Variants in ARHGAP23 observed in about 807,000 individuals in gnomAD.
ARHGAP23 encodes rho GTPase-activating protein 23.
In ARHGAP23, 34 loss-of-function variants were observed where a neutral mutation model predicts 136.3. The observed-to-expected ratio is 0.25, with a 90% confidence interval of 0.19 to 0.33. The LOEUF is 0.33. ARHGAP23 is among the 10% of genes least tolerant of loss of function. The pLI is 1.00. For missense variants in ARHGAP23, 1,808 were observed against 2,139.0 expected (o/e 0.85, Z 3.05); for synonymous variants, 832 against 920.5 (o/e 0.90, Z 1.74).
chr17:38,435,246 C>T (rs943428194), intron 1 of ARHGAP23, among the ~76,000 whole-genome samples: 1 of 152,038 alleles, frequency 6.6e-6, no homozygotes, highest in African/African-American at 2.4e-5. Flanking sequence ...GTCTCAGCTA[C>T]TCGGGAGGCT....
At chr17:38,490,067 C>G (rs2040239552) in intron 17 of ARHGAP23, 35 bp from the exon 18 acceptor site, 1 of 1,547,496 alleles carries the variant, frequency 6.5e-7, no homozygotes, top group African/African-American at 1.4e-5. Context: ...AAGGCGCTGC[C>G]CCCACCTCTC....
At chr17:38,432,733 G>A (rs2038712140) in intron 1 of ARHGAP23, among the ~76,000 whole-genome samples, 1 of 151,988 alleles carries the variant, frequency 6.6e-6, no homozygotes, top group South Asian at 2.1e-4. Flanking sequence ...GGTGGTGGAA[G>A]TGGGAAAATC....
rs1231558734 is a variant in ARHGAP23 at position 38,466,935 on chromosome 17, G to A, written c.1252G>A (p.Gly418Ser). ...LQGLDDLGYI[G>S]YRSYSPSFQR... ...GGGCCTGGATGACCTCGGGTACATCGGCTACCGGAGCTACAGCCCATCATT... is the reference window on the plus strand; with the variant it reads ...GGGCCTGGATGACCTCGGGTACATCAGCTACCGGAGCTACAGCCCATCATT... Residue 418 changes from glycine (G) to serine (S), a missense_variant, in exon 7 of 24, where the codon GGC becomes AGC. Coordinates refer to ENST00000622683, the MANE Select transcript of ARHGAP23 (RefSeq NM_001199417.2). 8.4e-6 allele frequency: 13 copies of A among 1,550,344 alleles called. No homozygotes were observed. The highest frequency in any genetic ancestry group is 7.3e-5 in the East Asian group (3 of 40,918).
chr17:38,510,356 C>G lies in ARHGAP23; in HGVS notation c.3860C>G (p.Thr1287Arg), dbSNP rs1326036755. Residue 1287 changes from threonine (T) to arginine (R), a missense_variant, in exon 24 of 24, where the codon ACG (threonine) becomes AGG (arginine). By Grantham distance (71) the Thr-to-Arg change is moderately conservative (BLOSUM62 -1). Coordinates refer to ENST00000622683, the MANE Select transcript of ARHGAP23 (RefSeq NM_001199417.2). This position sits in a 1 kb window ranked among gnomAD's most constrained non-coding sequence, Gnocchi z 4.6. Reference protein sequence around the residue: ...DERSELSHVETDTEGAAGAGP... With the variant: ...DERSELSHVERDTEGAAGAGP... ...CGTAGCGAGCTGAGCCACGTGGAGACGGACACTGAGGGCGCGGCGGGCGCG... is the reference window on the plus strand; with the variant it reads ...CGTAGCGAGCTGAGCCACGTGGAGAGGGACACTGAGGGCGCGGCGGGCGCG... 2 of 1,249,636 alleles carry G rather than the reference C, an allele frequency of 1.6e-6. No homozygotes were observed. Among genetic ancestry groups the G allele is most frequent in the East Asian group, 6.3e-5 (2 of 31,644 alleles). 77.4% of individuals were successfully genotyped at this position (1,249,636 alleles called of 1,614,324 possible). A position where few individuals can be genotyped will look rare whatever the true frequency, so the allele number is the denominator to read the frequency against.
chr17:38,420,115 G>A (rs1391288036), intron 1 of ARHGAP23, among the ~76,000 whole-genome samples: 2 of 152,184 alleles, frequency 1.3e-5, no homozygotes, highest in Non-Finnish European at 2.9e-5. Context: ...CTCAGTGGGC[G>A]GGGATGAAGA....
intron 20 of ARHGAP23, among the ~76,000 whole-genome samples, chr17:38,492,222 C>A (rs1380089796): frequency 4.2e-4 from 64 of 152,194 alleles, no homozygotes; most frequent in Admixed American, 4.1e-3. Flanking sequence ...GAGAGCCCAA[C>A]CCTAAGGCAG....
intron 1 of ARHGAP23, among the ~76,000 whole-genome samples, chr17:38,437,622 A>ACC (rs5820258): frequency 1.8e-4 from 26 of 147,600 alleles, no homozygotes; most frequent in African/African-American, 6.5e-4. Flanking sequence ...ACCCACCCCT[A>ACC]CCCCCCCCAA....
intron 18 of ARHGAP23, 124 bp downstream of exon 18, chr17:38,490,299 C>T (rs997323755): frequency 1.7e-6 from 2 of 1,159,600 alleles, no homozygotes; most frequent in Admixed American, 4.0e-5. Flanking sequence ...CCGCTCCACT[C>T]AGGGCCTCAG....
intron 12 of ARHGAP23, among the ~76,000 whole-genome samples, chr17:38,478,380 G>GGGT (rs1337793395): frequency 6.6e-6 from 1 of 152,088 alleles, no homozygotes; most frequent in East Asian, 1.9e-4. Context: ...AGGTGGGCAG[G>GGGT]GGTGGAGCCA....
intron 20 of ARHGAP23, among the ~76,000 whole-genome samples, chr17:38,493,382 A>G (rs867285232): frequency 1.3e-5 from 2 of 151,748 alleles, no homozygotes; most frequent in Non-Finnish European, 2.9e-5. Context: ...TGTAGAGATG[A>G]GGTCTTACTA....
At chr17:38,493,591 G>A (rs981360326) in intron 20 of ARHGAP23, among the ~76,000 whole-genome samples, 1 of 152,146 alleles carries the variant, frequency 6.6e-6, no homozygotes, top group Non-Finnish European at 1.5e-5. Flanking sequence ...ACCAGCCCTG[G>A]ATGATTGTCG....
chr17:38,508,424 C>T (rs1213859779), intron 23 of ARHGAP23, among the ~76,000 whole-genome samples: 1 of 152,074 alleles, frequency 6.6e-6, no homozygotes, highest in Non-Finnish European at 1.5e-5. Flanking sequence ...CAGAGCAGGG[C>T]AGTAGGCTGG....
chr17:38,510,455 G>T lies in ARHGAP23; in HGVS notation c.3959G>T (p.Arg1320Leu). The change falls in exon 24 of 24, where the codon CGC becomes CTC. Residue 1320 changes from arginine to leucine, a missense_variant. By Grantham distance (102) the Arg-to-Leu change is moderately radical. Transcript: ENST00000622683. This position sits in a 1 kb window ranked among gnomAD's most constrained non-coding sequence, Gnocchi z 4.6. ...CTCATGCCCTGCGACACTCTGGCGC[G>T]CCGCCGCCTGGCCCGGGGCCGCCCA... ...HHLMPCDTLA[R>L]RRLARGRPDG... 3 of 1,209,876 alleles carry T rather than the reference G, an allele frequency of 2.5e-6. No homozygotes were observed. Among genetic ancestry groups the T allele is most frequent in the Non-Finnish European group, 3.1e-6 (3 of 974,496 alleles). The allele number at this position is 1,209,876 out of a possible 1,614,324, so 74.9% of individuals were successfully genotyped here. A position where few individuals can be genotyped will look rare whatever the true frequency, so the allele number is the denominator to read the frequency against.
At chr17:38,457,873 A>G (rs945739529) in intron 1 of ARHGAP23, 2 of 594,414 alleles carry the variant, frequency 3.4e-6, no homozygotes, top group Non-Finnish European at 5.9e-6. Context: ...CAAAGACATT[A>G]TGAGGGGACT....
At chr17:38,507,276 A>AAATAATAAAATAATAAT (rs1555599767) in intron 23 of ARHGAP23, among the ~76,000 whole-genome samples, 19 of 136,668 alleles carry the variant, frequency 1.4e-4, no homozygotes, top group Non-Finnish European at 1.9e-4. Context: ...CTCCGTCTCA[A>AAATAATAAAATAATAAT]AATAATAATA....
At chr17:38,438,898 C>T (rs1285709928) in intron 1 of ARHGAP23, among the ~76,000 whole-genome samples, 5 of 152,238 alleles carry the variant, frequency 3.3e-5, no homozygotes, top group Non-Finnish European at 5.9e-5. Context: ...GCAGGAGAAT[C>T]GCTTGAACCT....
In ARHGAP23 at chr17:38,466,425, A is replaced by G. The variant is rs758701627; in HGVS notation, c.742A>G (p.Ser248Gly). ...AHLDNSSLGM[S>G]QPRPSPGAFP... ...CCTGGACAACTCTTCCTTGGGGATG[A>G]GCCAGCCCCGCCCCAGCCCTGGTGC... The change falls in exon 7 of 24, where the codon AGC becomes GGC. Residue 248 changes from serine (S) to glycine (G), a missense_variant. By Grantham distance (56) the Ser-to-Gly change is moderately conservative. Around this residue, in one of 7 missense-constraint regions of ARHGAP23, gnomAD observed 859 missense variants for 936.4 expected, o/e 0.92. Coordinates refer to ENST00000622683, the MANE Select transcript of ARHGAP23 (RefSeq NM_001199417.2). 10 of 1,527,988 alleles carry G rather than the reference A, an allele frequency of 6.5e-6. No individual in the cohort carries two copies. The South Asian group carries it at 1.2e-4, about 18-fold the overall frequency. The allele number at this position is 1,527,988 out of a possible 1,614,324, so 94.7% of individuals were successfully genotyped here.
intron 1 of ARHGAP23, among the ~76,000 whole-genome samples, chr17:38,441,776 T>C (rs1401809471): frequency 6.6e-6 from 1 of 152,064 alleles, no homozygotes; most frequent in Non-Finnish European, 1.5e-5. Context: ...AGGCACTGTA[T>C]TATAGTCCAG....
chr17:38,500,130 T>C (rs1210248259), intron 22 of ARHGAP23, among the ~76,000 whole-genome samples: 2 of 152,112 alleles, frequency 1.3e-5, no homozygotes, highest in Non-Finnish European at 2.9e-5. Flanking sequence ...TGCTCGGGGG[T>C]GGATGTAGGG....
Sources: allele counts gnomAD v4.1 joint callset (sites outside exome capture counted in the v4.1 genomes callset), GRCh38; gene constraint gnomAD v4.1.1; regional missense constraint gnomAD v4.1.1; non-coding constraint Gnocchi (gnomAD v3.1); transcripts MANE v1.5; gene names NCBI Gene and HGNC (gene_info 2026-07-23, HGNC 2026-07-21).